The following TSG101 variants were observed in gnomAD, a reference collection of about 807,000 sequenced individuals.
TSG101 encodes tumor susceptibility 101.
TSG101 carries 19 observed loss-of-function variants against 48.5 expected under a neutral mutation model. The ratio of observed to expected loss-of-function variants is 0.39; its 90% CI spans 0.27 to 0.58. TSG101 has a LOEUF of 0.58. TSG101 is among the 20% of genes least tolerant of loss of function. The pLI, the probability that TSG101 is intolerant of heterozygous loss-of-function variation, is 0.55. For synonymous variants in TSG101, 174 were observed against 169.4 expected (o/e 1.03, Z -0.21); for missense variants, 365 against 484.4 (o/e 0.75, Z 2.31).
chr11:18,497,141 T>C (rs1219723473), intron 7 of TSG101, among the ~76,000 whole-genome samples: 1 of 152,092 alleles, frequency 6.6e-6, no homozygotes, highest in Non-Finnish European at 1.5e-5. Flanking sequence ...TCATTCTTTC[T>C]CATGGCCTCA....
intron 5 of TSG101, among the ~76,000 whole-genome samples, chr11:18,509,036 C>T (rs947899543): frequency 6.6e-6 from 1 of 152,150 alleles, no homozygotes; most frequent in Admixed American, 6.6e-5. Context: ...CATGCTCCCA[C>T]CACTCCACAC....
intron 5 of TSG101, 46 bp from the exon 6 acceptor site, chr11:18,506,969 G>C (rs752863632): frequency 2.0e-6 from 3 of 1,480,678 alleles, no homozygotes; most frequent in Non-Finnish European, 2.8e-6. Context: ...TACAAGGCCT[G>C]AATATGTAGG....
intron 2 of TSG101, among the ~76,000 whole-genome samples, chr11:18,516,475 G>C (rs1366165476): frequency 1.3e-5 from 2 of 151,700 alleles, no homozygotes; most frequent in Admixed American, 1.3e-4. Flanking sequence ...ATCCCGAGTA[G>C]TTGGGATTAC....
At chr11:18,510,499 A>G (rs1312744921) in intron 4 of TSG101, among the ~76,000 whole-genome samples, 2 of 152,194 alleles carry the variant, frequency 1.3e-5, no homozygotes, top group African/African-American at 4.8e-5. Context: ...GTGAATTGTT[A>G]AAGGATCTTT....
intron 8 of TSG101, 81 bp downstream of exon 8, chr11:18,483,789 C>T (rs1849580878): frequency 9.5e-6 from 14 of 1,475,746 alleles, no homozygotes; most frequent in Middle Eastern, 1.8e-4. Flanking sequence ...ACTATGCCCA[C>T]AACATCCAGG....
chr11:18,508,080 C>T (rs367599062), intron 5 of TSG101, among the ~76,000 whole-genome samples: 4 of 141,404 alleles, frequency 2.8e-5, no homozygotes, highest in African/African-American at 5.3e-5. Flanking sequence ...GGCAACAGAG[C>T]GAGACTCTGT....
At chr11:18,496,680 T>C (rs991738515) in intron 7 of TSG101, among the ~76,000 whole-genome samples, 1 of 151,654 alleles carries the variant, frequency 6.6e-6, no homozygotes, top group Non-Finnish European at 1.5e-5. Context: ...TCTACAGTCC[T>C]AGCTACTCAG....
chr11:18,482,850 A>G (rs1203534645), intron 8 of TSG101, among the ~76,000 whole-genome samples: 3 of 152,232 alleles, frequency 2.0e-5, no homozygotes, highest in Non-Finnish European at 4.4e-5. Context: ...ATCATGGCTT[A>G]GAACTCTCTA....
intron 1 of TSG101, among the ~76,000 whole-genome samples, chr11:18,521,957 C>T (rs1390719538): frequency 1.3e-5 from 2 of 152,178 alleles, no homozygotes; most frequent in African/African-American, 4.8e-5. Context: ...GGATTACAGG[C>T]ATGAGCCATC....
Position 18,481,819 on chromosome 11 carries a change from G to C in TSG101, c.894C>G (p.Leu298=). 6.2e-7 allele frequency: 1 copy of C among 1,614,038 alleles called. No individual in the cohort carries two copies. The highest frequency in any genetic ancestry group is 8.5e-7 in the Non-Finnish European group (1 of 1,180,010). ...IELLKKKDEE[L]SSALEKMENQ... ...TTTCCATTTTTTCCAGAGCAGAACT[G>C]AGTTCTTCATCCTTCTTTTTCAAAA... Residue 298 remains leucine, a synonymous_variant, in exon 9 of 10, where the codon CTC becomes CTG. Transcript: ENST00000251968.
At chr11:18,496,482 TAAA>T (rs1485345659) in intron 7 of TSG101, among the ~76,000 whole-genome samples, 16 of 147,616 alleles carry the variant, frequency 1.1e-4, no homozygotes, top group East Asian at 4.0e-4. Context: ...TAAAATAAAA[TAAA>T]ATAAAATAAA....
intron 7 of TSG101, among the ~76,000 whole-genome samples, chr11:18,500,659 C>A (rs991637679): frequency 1.3e-5 from 2 of 152,020 alleles, no homozygotes; most frequent in African/African-American, 4.8e-5. Context: ...ATGTTCTTTG[C>A]CCACTTTTTA....
rs114250357 is a variant in TSG101 at position 18,480,904 on chromosome 11, A to G, written c.1084-269T>C. Reference sequence around the variant, plus strand: ...ATGCCACTCAAGCAAGAGATTGTACAGAAAAAGAGTCCTCTCTTGGGTCTC... The same window carrying G: ...ATGCCACTCAAGCAAGAGATTGTACGGAAAAAGAGTCCTCTCTTGGGTCTC... On this transcript the variant is annotated intron_variant, in intron 9 of 9. Coordinates refer to ENST00000251968, the MANE Select transcript of TSG101 (RefSeq NM_006292.4). Among the ~76,000 whole-genome samples, 1,330 of 152,300 alleles carry G rather than the reference A, an allele frequency of 8.7e-3. 15 individuals carry two copies. The highest frequency in any genetic ancestry group is 0.03 in the African/African-American group (1,253 of 41,572).
In TSG101 at chr11:18,481,720, C is replaced by G. The variant is rs371428124; in HGVS notation, c.993G>C (p.Leu331=). 2 of 1,614,066 alleles carry G rather than the reference C, an allele frequency of 1.2e-6. No homozygotes were observed. The highest frequency in any genetic ancestry group is 1.7e-5 in the Admixed American group (1 of 60,000). The change falls in exon 9 of 10, where the codon CTG becomes CTC. Residue 331 remains leucine (L), a synonymous_variant. Coordinates refer to ENST00000251968, the MANE Select transcript of TSG101 (RefSeq NM_006292.4). ...TAPLYKQILN[L]YAEENAIEDT... ...CTTCAATAGCGTTTTCTTCTGCATA[C>G]AGATTCAGGATCTGTTTGTATAAGG...
At chr11:18,499,273 ATT>A (rs1034200529) in intron 7 of TSG101, among the ~76,000 whole-genome samples, 3 of 130,350 alleles carry the variant, frequency 2.3e-5, no homozygotes, top group African/African-American at 5.7e-5. Flanking sequence ...TTTTATATAT[ATT>A]TATATATATC....
At chr11:18,485,957 C>A (rs1849613880) in intron 7 of TSG101, among the ~76,000 whole-genome samples, 1 of 152,162 alleles carries the variant, frequency 6.6e-6, no homozygotes, top group African/African-American at 2.4e-5. Context: ...TTCCTGTTTG[C>A]CCACCCTTTC....
Position 18,480,497 on chromosome 11 carries a change from G to A in TSG101, c.*49C>T, listed in dbSNP as rs769527586. 2.6e-5 allele frequency: 38 copies of A among 1,466,058 alleles called. No homozygotes were observed. The highest frequency in any genetic ancestry group is 3.4e-4 in the Middle Eastern group (2 of 5,802). The allele number at this position is 1,466,058 out of a possible 1,614,324, so 90.8% of individuals were successfully genotyped here. A position where few individuals can be genotyped will look rare whatever the true frequency, so the allele number is the denominator to read the frequency against. Reference sequence around the variant, plus strand: ...TCTGGGCACCTACTGATAAAAGGAAGAGAAGAATACTTTAAGAAGAGCTCA... The same window carrying A: ...TCTGGGCACCTACTGATAAAAGGAAAAGAAGAATACTTTAAGAAGAGCTCA... On this transcript the variant is annotated 3_prime_UTR_variant, in exon 10 of 10. Coordinates refer to ENST00000251968, the MANE Select transcript of TSG101 (RefSeq NM_006292.4).
chr11:18,480,669 T>C (rs1419069259), intron 9 of TSG101, 34 bp from the exon 10 acceptor site: 1 of 1,594,976 alleles, frequency 6.3e-7, no homozygotes, highest in Admixed American at 1.7e-5. Flanking sequence ...TAGTTTAGAA[T>C]GGCTTTGATT....
intron 7 of TSG101, among the ~76,000 whole-genome samples, chr11:18,486,104 C>T (rs1424149642): frequency 6.6e-6 from 1 of 152,228 alleles, no homozygotes; most frequent in East Asian, 1.9e-4. Flanking sequence ...ACTTTCCCAC[C>T]TTTGGGTAGG....
Sources: allele counts gnomAD v4.1 joint callset (sites outside exome capture counted in the v4.1 genomes callset), GRCh38; gene constraint gnomAD v4.1.1; transcripts MANE v1.5; gene names NCBI Gene and HGNC (gene_info 2026-07-23, HGNC 2026-07-21).